Variants in AP3D1 observed in about 807,000 individuals in gnomAD.
AP3D1 encodes the protein adaptor related protein complex 3 subunit delta 1.
AP3D1 carries 51 observed loss-of-function variants against 147.6 expected under a neutral mutation model. The ratio of observed to expected loss-of-function variants is 0.35; its 90% CI spans 0.28 to 0.44. AP3D1 has a LOEUF of 0.44. Ranked by LOEUF, AP3D1 falls within the 20% of genes least tolerant of loss-of-function variation. The probability of loss-of-function intolerance (pLI) is 1.00; values close to 1 mark genes in which losing one functional copy is unlikely to be tolerated. For missense variants in AP3D1, 1,421 were observed against 1,624.2 expected, an observed-to-expected ratio of 0.87 and a Z score of 2.15; for synonymous variants, 760 against 663.0, an observed-to-expected ratio of 1.15 and a Z score of -2.25.
chr19:2,108,778 C>A lies in AP3D1; in HGVS notation c.3473-12G>T. On this transcript the variant is annotated splice_polypyrimidine_tract_variant and intron_variant, in intron 30 of 31. Transcript: ENST00000643116. ...CACTCGCTCCACAACTGCAACAGAG[C>A]GGGCAGTGTTAGGCTTCCCGGACAT... 6.4e-7 allele frequency: 1 copy of A among 1,559,740 alleles called. No individual in the cohort carries two copies.
At chr19:2,138,476 T>C in intron 2 of AP3D1, 143 bp downstream of exon 2, 2 of 679,744 alleles carry the variant, frequency 2.9e-6, no homozygotes, top group Non-Finnish European at 2.6e-6. Flanking sequence ...GCTCCAGGAC[T>C]CTGGGTTGGC....
chr19:2,115,590 C>G lies in AP3D1; in HGVS notation c.2097G>C (p.Val699=). ...CAATCTGCACCACGGGAATGTGCTCCACGCCCGGGGTGTCCTGGTACCGCT... is the reference window on the plus strand; with the variant it reads ...CAATCTGCACCACGGGAATGTGCTCGACGCCCGGGGTGTCCTGGTACCGCT... ...PQKRYQDTPG[V]EHIPVVQIDL... The change falls in exon 19 of 32, where the codon GTG becomes GTC. Residue 699 remains valine (V), a synonymous_variant. Transcript: ENST00000643116. 6.2e-7 allele frequency: 1 copy of G among 1,613,070 alleles called. No homozygotes were observed. Among genetic ancestry groups the G allele is most frequent in the East Asian group, 2.2e-5 (1 of 44,850 alleles).
chr19:2,116,550 T>A, intron 17 of AP3D1, 55 bp downstream of exon 17: 1 of 1,495,576 alleles, frequency 6.7e-7, no homozygotes, highest in Non-Finnish European at 8.9e-7. Flanking sequence ...CCTCAAAGAC[T>A]CCCTGGGACA....
chr19:2,153,595 C>T (rs902114850), upstream of AP3D1, among the ~76,000 whole-genome samples: 3 of 149,812 alleles, frequency 2.0e-5, no homozygotes, highest in Admixed American at 1.3e-4. Context: ...AGAATGGCTC[C>T]GCCCAGGGGG....
chr19:2,141,504 G>A (rs2019219554), intron 1 of AP3D1, among the ~76,000 whole-genome samples: 1 of 138,416 alleles, frequency 7.2e-6, no homozygotes, highest in Non-Finnish European at 1.6e-5. Context: ...TACGATCTCG[G>A]CTCACTGCAA....
At chr19:2,150,199 G>C (rs1031083373) in intron 1 of AP3D1, among the ~76,000 whole-genome samples, 5 of 152,184 alleles carry the variant, frequency 3.3e-5, no homozygotes, top group Non-Finnish European at 7.4e-5. Flanking sequence ...ACCTCGTCCT[G>C]GACACAGCCT....
At chr19:2,157,314 C>T (rs1273031921) in intron 1 of AP3D1, among the ~76,000 whole-genome samples, 2 of 150,306 alleles carry the variant, frequency 1.3e-5, no homozygotes, top group African/African-American at 2.4e-5. Context: ...TAGTGGCGGG[C>T]GCCTGTAGTC....
At chr19:2,138,580 C>A (rs779011682) in intron 2 of AP3D1, 39 bp downstream of exon 2, 1 of 1,494,232 alleles carries the variant, frequency 6.7e-7, no homozygotes, top group Non-Finnish European at 9.3e-7. Context: ...GGAGAAGCAG[C>A]CCGACAGTGC....
At chr19:2,164,171 C>T (rs762077016) in intron 1 of AP3D1, 1 of 1,133,778 alleles carries the variant, frequency 8.8e-7, no homozygotes, top group East Asian at 4.7e-5. Context: ...GGTGCGGCGG[C>T]CGCGCGCGCG....
At chr19:2,143,096 C>A (rs921731767) in intron 1 of AP3D1, among the ~76,000 whole-genome samples, 2 of 151,690 alleles carry the variant, frequency 1.3e-5, no homozygotes, top group African/African-American at 4.8e-5. Flanking sequence ...TGGAGTCTCA[C>A]TCTATCGTCC....
At chr19:2,118,138 C>A (rs541659675) in intron 15 of AP3D1, among the ~76,000 whole-genome samples, 1 of 152,108 alleles carries the variant, frequency 6.6e-6, no homozygotes, top group Non-Finnish European at 1.5e-5. Context: ...CCAGCCTGGG[C>A]AAAGGAGTGA....
chr19:2,151,800 A>G (rs1451622705), upstream of AP3D1, among the ~76,000 whole-genome samples: 1 of 152,124 alleles, frequency 6.6e-6, no homozygotes, highest in East Asian at 1.9e-4. Context: ...CCTTCTTCCT[A>G]GTTCTGAGCC....
intron 1 of AP3D1, among the ~76,000 whole-genome samples, chr19:2,143,065 CTT>C (rs983497871): frequency 6.6e-6 from 1 of 150,770 alleles, no homozygotes; most frequent in African/African-American, 2.4e-5. Context: ...CGCCCAGCCT[CTT>C]TTTCTTTTTT....
chr19:2,116,686 C>T lies in AP3D1; in HGVS notation c.1920G>A (p.Arg640=). 6.2e-7 allele frequency: 1 copy of T among 1,609,932 alleles called. No individual in the cohort carries two copies. Among genetic ancestry groups the T allele is most frequent in the Non-Finnish European group, 8.5e-7 (1 of 1,178,500 alleles). Residue 640 remains arginine (R), a synonymous_variant, in exon 17 of 32, where the codon AGG becomes AGA. Coordinates refer to ENST00000643116, the MANE Select transcript of AP3D1 (RefSeq NM_001261826.3). ...CCTCCTCGTGGAAGACGGCCCTGGG[C>T]CTCTCGTCCTCTGACTCGCTGTCCG... ...PLSDSESEDE[R]PRAVFHEEEQ...
intron 28 of AP3D1, 57 bp from the exon 29 acceptor site, chr19:2,110,015 C>T: frequency 6.3e-7 from 1 of 1,598,780 alleles, no homozygotes; most frequent in Non-Finnish European, 8.6e-7. Context: ...GCTCAGGGCT[C>T]AGGGTTCCCC....
rs114871136 is a variant in AP3D1 at position 2,118,531 on chromosome 19, G to A, written c.1713+70C>T. ...AGAGGAAGCGAGGCCCCGTCGACCT[G>A]GCCGCCACTGGACAGAAAGGCACTG... On this transcript the variant is annotated intron_variant, in intron 15 of 31. Coordinates refer to ENST00000643116, the MANE Select transcript of AP3D1 (RefSeq NM_001261826.3). 6.6e-3 allele frequency: 9,553 copies of A among 1,438,942 alleles called. 504 individuals are homozygous for A. In the African/African-American group the frequency reaches 0.12, roughly 17 times the overall value. The allele number at this position is 1,438,942 out of a possible 1,614,324, so 89.1% of individuals were successfully genotyped here. A position where few individuals can be genotyped will look rare whatever the true frequency, so the allele number is the denominator to read the frequency against.
chr19:2,141,426 C>T lies in AP3D1; in HGVS notation c.97-2712G>A, dbSNP rs184368898. 7.3e-5 allele frequency among the ~76,000 whole-genome samples: 11 copies of T among 151,384 alleles called. No homozygotes were observed. In the East Asian group the frequency reaches 2.1e-3, roughly 29 times the overall value. On this transcript the variant is annotated intron_variant, in intron 1 of 31. Transcript: ENST00000643116. ...TAAACCCTAGATACACAGGAAAACTCCCTGGGGTACTTTTTTTTTTTTTTT... is the reference window on the plus strand; with the variant it reads ...TAAACCCTAGATACACAGGAAAACTTCCTGGGGTACTTTTTTTTTTTTTTT...
chr19:2,111,576 A>C, intron 25 of AP3D1, 103 bp downstream of exon 25: 1 of 1,423,590 alleles, frequency 7.0e-7, no homozygotes, highest in Non-Finnish European at 9.4e-7. Context: ...CTTCTTCTCG[A>C]ATCTGCTCAG....
At chr19:2,103,810 C>A (rs1171858944) in intron 31 of AP3D1, among the ~76,000 whole-genome samples, 2 of 152,194 alleles carry the variant, frequency 1.3e-5, no homozygotes, top group African/African-American at 2.4e-5. Context: ...TACAGAGAGG[C>A]CCTCGGCAGA....
Sources: allele counts gnomAD v4.1 joint callset (sites outside exome capture counted in the v4.1 genomes callset), GRCh38; gene constraint gnomAD v4.1.1; transcripts MANE v1.5; gene names NCBI Gene and HGNC (gene_info 2026-07-23, HGNC 2026-07-21).